ARAP2: variants seen among roughly 807,000 people sequenced by gnomAD.
ARAP2 encodes ArfGAP with RhoGAP domain, ankyrin repeat and PH domain 2, also known as arf-GAP with Rho-GAP domain, ANK repeat and PH domain-containing protein 2.
A neutral mutation model predicts 194.5 loss-of-function variants in ARAP2; 148 were observed. That is an observed-to-expected ratio of 0.76 (90% CI 0.67 to 0.87). ARAP2 has a LOEUF of 0.87. Among genes scored for constraint, ARAP2 ranks in the 40% least tolerant of loss-of-function variants. The pLI is 0.00. For missense variants in ARAP2, 2,128 were observed against 1,989.7 expected, an observed-to-expected ratio of 1.07 and a Z score of -1.32; for synonymous variants, 695 against 683.5, an observed-to-expected ratio of 1.02 and a Z score of -0.26.
chr4:36,210,327 G>C (rs574282266), intron 6 of ARAP2, 63 bp downstream of exon 6: 2 of 1,445,606 alleles, frequency 1.4e-6, no homozygotes, highest in East Asian at 2.3e-5. Context: ...TGGAGGTTTA[G>C]AAATGAATAA....
chr4:36,030,341 G>A (rs1718709254), intron 5 of ARAP2, among the ~76,000 whole-genome samples: 1 of 151,912 alleles, frequency 6.6e-6, no homozygotes, highest in African/African-American at 2.4e-5. Context: ...GGTGTCCTAG[G>A]GGAATTTGTT....
chr4:36,016,666 T>C (rs541504577), intron 6 of ARAP2, among the ~76,000 whole-genome samples: 2 of 152,296 alleles, frequency 1.3e-5, no homozygotes, highest in South Asian at 2.1e-4. Context: ...TTGCACTTTA[T>C]ACTTTTTGAT....
Position 36,119,652 on chromosome 4 carries a change from G to T in ARAP2, c.3961C>A (p.Gln1321Lys), listed in dbSNP as rs745377915. The T allele has an allele frequency of 5.0e-6, 8 of 1,592,268 alleles. No homozygotes were observed. Among genetic ancestry groups the T allele is most frequent in the Non-Finnish European group, 6.9e-6 (8 of 1,162,550 alleles). ...NSFITKWKDT[Q>K]VSQAGDLLIE... ...GAGATCTAACTATTACTACTCACTT[G>T]GGTGTCTTTCCACTTGGTAATAAAG... is the stretch of plus-strand genomic sequence containing the variant. The change falls in exon 24 of 33, where the codon CAA becomes AAA. Residue 1321 changes from glutamine (Q) to lysine (K), a missense_variant and splice_region_variant. Coordinates refer to ENST00000303965, the MANE Select transcript of ARAP2 (RefSeq NM_015230.4).
In ARAP2 at chr4:36,080,241, C is replaced by T; in HGVS notation, c.4583G>A (p.Trp1528Ter). Residue 1528 changes from tryptophan (W) to a stop codon, truncating the protein, a stop_gained, in exon 31 of 33, where the codon TGG (tryptophan) becomes TAG (stop). Coordinates refer to ENST00000303965, the MANE Select transcript of ARAP2 (RefSeq NM_015230.4). LOFTEE classifies it high-confidence loss of function. ...CTGGGCAATAAAGATACTGGTCATC[C>T]ACTCCGTCTGAGTTCGTGAACTATC... The part of the protein sequence containing the change: ...CCDSSRTQTE[W>*]MTSIFIAQHE... The T allele has an allele frequency of 6.2e-7, 1 of 1,613,148 alleles. No individual in the cohort carries two copies. Among genetic ancestry groups the T allele is most frequent in the South Asian group, 1.1e-5 (1 of 91,060 alleles).
rs116551374 is a variant in ARAP2 at position 36,195,117 on chromosome 4, C to A, written c.1488-1470G>T. 5.5e-3 allele frequency among the ~76,000 whole-genome samples: 832 copies of A among 152,164 alleles called. 1 individual carries two copies. The highest frequency in any genetic ancestry group is 0.02 in the Middle Eastern group (6 of 294). On this transcript the variant is annotated intron_variant, in intron 6 of 32. Transcript: ENST00000303965. ...AGGAGGTGGAAGCTACAGTGAGTTA[C>A]GACTGCACCACTGTACTCCAGCCTG...
In ARAP2 at chr4:36,060,108, C is replaced by T. The variant is rs59484403; in HGVS notation, n.148-1965G>A. On this transcript the variant is annotated intron_variant and non_coding_transcript_variant, in intron 1 of 12. Coordinates refer to the ARAP2 transcript ENST00000503225. ...GGTTGTTGTTAAGCCAGTCAACAGG[C>T]TGTAAAATCATGGTTTGGGTCAGCT... Among the ~76,000 whole-genome samples the T allele has an allele frequency of 2.3e-4, 35 of 152,230 alleles. No homozygotes were observed. In the East Asian group the frequency reaches 5.2e-3, roughly 23 times the overall value.
chr4:36,046,229 G>A lies in ARAP2; in HGVS notation n.510-153C>T, dbSNP rs190334142. 2.1e-3 allele frequency among the ~76,000 whole-genome samples: 327 copies of A among 152,236 alleles called. 1 individual carries two copies. The highest frequency in any genetic ancestry group is 7.5e-3 in the African/African-American group (312 of 41,532). On this transcript the variant is annotated intron_variant and non_coding_transcript_variant, in intron 4 of 12. Transcript: ENST00000503225. The stretch of plus-strand genomic sequence containing the variant: ...GACAGGGTCTTGCTCTGTCACCCAG[G>A]CTGGAGTACAGTGGTGCAGTCACAG...
At chr4:36,071,350 C>T (rs1726823520) in intron 32 of ARAP2, among the ~76,000 whole-genome samples, 1 of 152,154 alleles carries the variant, frequency 6.6e-6, no homozygotes, top group African/African-American at 2.4e-5. Context: ...TTTACAGGGA[C>T]TCAGTAGGAG....
chr4:36,165,116 G>A lies in ARAP2; in HGVS notation c.1974-3C>T, dbSNP rs927324812. On this transcript the variant is annotated splice_polypyrimidine_tract_variant and splice_region_variant and intron_variant, in intron 10 of 32. Coordinates refer to ENST00000303965, the MANE Select transcript of ARAP2 (RefSeq NM_015230.4). ...CCTTTTCAGTCTCGGCTGTAAAGCTGAAACAATTAACGTTTCTGTGTTATC... is the reference window on the plus strand; with the variant it reads ...CCTTTTCAGTCTCGGCTGTAAAGCTAAAACAATTAACGTTTCTGTGTTATC... 1 of 1,613,872 alleles carries A rather than the reference G, an allele frequency of 6.2e-7. No individual in the cohort carries two copies. Among genetic ancestry groups the A allele is most frequent in the Admixed American group, 1.7e-5 (1 of 60,020 alleles).
rs571812947 is a variant in ARAP2 at position 36,038,401 on chromosome 4, T to C, written n.607+7578A>G. On this transcript the variant is annotated intron_variant and non_coding_transcript_variant, in intron 5 of 12. Coordinates refer to the ARAP2 transcript ENST00000503225. ...TCATAAATATCCAAAGAGAAATTCC[T>C]TGGAATATATTTTCCTCAGTGTAAA... Among the ~76,000 whole-genome samples the C allele has an allele frequency of 3.5e-4, 54 of 152,330 alleles. No individual in the cohort carries two copies. The South Asian group carries it at 0.01, about 29-fold the overall frequency.
chr4:36,243,095 A>G (rs1194793365), intron 1 of ARAP2, among the ~76,000 whole-genome samples: 5 of 121,228 alleles, frequency 4.1e-5, no homozygotes, highest in African/African-American at 2.6e-4. Context: ...AATAAGAGTT[A>G]AAAAAAAAAG....
chr4:36,070,039 A>G (rs982914753), intron 32 of ARAP2, among the ~76,000 whole-genome samples: 1 of 152,162 alleles, frequency 6.6e-6, no homozygotes, highest in Admixed American at 6.5e-5. Flanking sequence ...GAAGCCAAGC[A>G]GATGCCACCA....
At chr4:36,156,320 G>A (rs1406653959) in intron 15 of ARAP2, among the ~76,000 whole-genome samples, 1 of 80,500 alleles carries the variant, frequency 1.2e-5, no homozygotes, top group Non-Finnish European at 2.5e-5. Flanking sequence ...AGGAAGGAAG[G>A]GAGGGAGGGA....
rs1045208793 is a variant in ARAP2 at position 36,133,598 on chromosome 4, A to C, written c.3264-209T>G. Among the ~76,000 whole-genome samples, 4 of 151,722 alleles carry C rather than the reference A, an allele frequency of 2.6e-5. No homozygotes were observed. The Admixed American group carries it at 2.6e-4, about 10-fold the overall frequency. ...GGAAGCTCTCTGAATTTATGGTCTC[A>C]CTTCTTTTCATTCCCTAGCCTCTTT... On this transcript the variant is annotated intron_variant, in intron 19 of 32. Coordinates refer to ENST00000303965, the MANE Select transcript of ARAP2 (RefSeq NM_015230.4).
chr4:36,061,054 C>G (rs550670502), downstream of ARAP2, among the ~76,000 whole-genome samples: 1 of 151,852 alleles, frequency 6.6e-6, no homozygotes, highest in Non-Finnish European at 1.5e-5. Flanking sequence ...TTGCTAGAAG[C>G]AGTTTTTTAA....
At chr4:36,134,496 A>G (rs1478892555) in intron 19 of ARAP2, among the ~76,000 whole-genome samples, 3 of 151,714 alleles carry the variant, frequency 2.0e-5, no homozygotes, top group Admixed American at 1.3e-4. Context: ...CTTTCAGGTC[A>G]CTACAGCCCC....
At chr4:36,192,322 A>T (rs1314111172) in intron 7 of ARAP2, among the ~76,000 whole-genome samples, 1 of 152,184 alleles carries the variant, frequency 6.6e-6, no homozygotes, top group East Asian at 1.9e-4. Flanking sequence ...TTTAATTTCA[A>T]ACCAAGCTGC....
Position 36,068,071 on chromosome 4 carries a change from G to C in ARAP2, c.4951C>G (p.His1651Asp), listed in dbSNP as rs761037730. 2 of 1,614,080 alleles carry C rather than the reference G, an allele frequency of 1.2e-6. No homozygotes were observed. Among genetic ancestry groups the C allele is most frequent in the African/African-American group, 2.7e-5 (2 of 75,028 alleles). ...TTCCTCAATGTCTTTAGGCCTTTAT[G>C]GCCTTTTGGTTGCCCAAGTGGGGCT... is the stretch of plus-strand genomic sequence containing the variant. Reference protein sequence around the residue: ...PEAPLGQPKGHKGLKTLRKTE... With the variant: ...PEAPLGQPKGDKGLKTLRKTE... The change falls in exon 33 of 33, where the codon CAT becomes GAT. Residue 1651 changes from histidine (H) to aspartate (D), a missense_variant. By Grantham distance (81) the His-to-Asp change is moderately conservative. Transcript: ENST00000303965.
chr4:36,143,954 C>A (rs1029989459), intron 19 of ARAP2, among the ~76,000 whole-genome samples: 2 of 151,862 alleles, frequency 1.3e-5, no homozygotes, highest in East Asian at 3.9e-4. Context: ...TGAATTTCAT[C>A]TCCTGATTTC....
Sources: gnomAD v4.1 joint callset for allele counts (sites outside exome capture counted in the v4.1 genomes callset) on GRCh38, gnomAD v4.1.1 for gene constraint, MANE v1.5 for transcripts, NCBI Gene and HGNC (gene_info 2026-07-23, HGNC 2026-07-21) for gene names.